Variants in TRAPPC9 observed in about 807,000 individuals in gnomAD.
TRAPPC9 encodes trafficking protein particle complex subunit 9.
Under a neutral mutation model 124.0 loss-of-function variants are expected in TRAPPC9, and 83 were observed. The observed-to-expected ratio is 0.67, with a 90% confidence interval of 0.56 to 0.80. TRAPPC9 has a LOEUF of 0.80. TRAPPC9 is among the 30% of genes least tolerant of loss of function. TRAPPC9 has a pLI of 0.00. For synonymous variants in TRAPPC9, 638 were observed against 617.5 expected (o/e 1.03, Z -0.49); for missense variants, 1,302 against 1,508.3 (o/e 0.86, Z 2.27).
intron 21 of TRAPPC9, among the ~76,000 whole-genome samples, chr8:139,792,594 G>A (rs1412404163): frequency 2.0e-5 from 3 of 152,190 alleles, no homozygotes; most frequent in Non-Finnish European, 4.4e-5. Context: ...TGGGGAGCCA[G>A]GGCCACCAGC....
intron 15 of TRAPPC9, among the ~76,000 whole-genome samples, chr8:140,272,637 G>A (rs567007261): frequency 6.6e-6 from 1 of 152,260 alleles, no homozygotes; most frequent in Non-Finnish European, 1.5e-5. Context: ...TCCTGTACAA[G>A]CACGGAGCTG....
At chr8:139,937,193 C>T (rs1052656635) in intron 19 of TRAPPC9, among the ~76,000 whole-genome samples, 3 of 152,104 alleles carry the variant, frequency 2.0e-5, no homozygotes, top group African/African-American at 7.2e-5. Context: ...GCACTGTGTT[C>T]TTGAAGAGTA....
At chr8:139,791,906 G>T (rs1822706970) in intron 21 of TRAPPC9, among the ~76,000 whole-genome samples, 1 of 152,154 alleles carries the variant, frequency 6.6e-6, no homozygotes, top group Non-Finnish European at 1.5e-5. Context: ...GCGTGGGGTG[G>T]GGGTGTGGAA....
chr8:139,990,038 A>G (rs1837524614), intron 18 of TRAPPC9, among the ~76,000 whole-genome samples: 1 of 152,200 alleles, frequency 6.6e-6, no homozygotes, highest in African/African-American at 2.4e-5. Flanking sequence ...GGGAGAAAAC[A>G]CAGAGAAAAA....
intron 9 of TRAPPC9, among the ~76,000 whole-genome samples, chr8:140,319,807 A>T (rs148308364): frequency 4.6e-5 from 7 of 152,218 alleles, no homozygotes; most frequent in African/African-American, 1.7e-4. Flanking sequence ...TTATTACTTA[A>T]CTATATTGTT....
intron 17 of TRAPPC9, among the ~76,000 whole-genome samples, chr8:140,082,341 T>C (rs1843879041): frequency 1.3e-5 from 2 of 152,018 alleles, no homozygotes; most frequent in South Asian, 4.1e-4. Context: ...ATGTGCTGAA[T>C]AAAGTGTGGA....
At chr8:139,944,056 A>C (rs1834068432) in intron 19 of TRAPPC9, among the ~76,000 whole-genome samples, 2 of 152,208 alleles carry the variant, frequency 1.3e-5, no homozygotes, top group Non-Finnish European at 2.9e-5. Flanking sequence ...TATAATCTTA[A>C]GAACTTTGGC....
At chr8:140,129,965 G>A (rs1334601428) in intron 17 of TRAPPC9, among the ~76,000 whole-genome samples, 2 of 152,198 alleles carry the variant, frequency 1.3e-5, no homozygotes, top group African/African-American at 2.4e-5. Context: ...TGGCTTCGGA[G>A]GAATCAGGGC....
chr8:140,409,818 TA>T (rs762064598), intron 5 of TRAPPC9, among the ~76,000 whole-genome samples: 9 of 152,010 alleles, frequency 5.9e-5, no homozygotes, highest in Non-Finnish European at 1.2e-4. Flanking sequence ...ACAAATGATA[TA>T]AGGGTAGGGA....
At chr8:140,229,428 A>AT (rs1020218278) in intron 16 of TRAPPC9, among the ~76,000 whole-genome samples, 10 of 150,088 alleles carry the variant, frequency 6.7e-5, no homozygotes, top group Non-Finnish European at 1.3e-4. Flanking sequence ...AGCCTGGCTA[A>AT]TTTTTTTTCG....
intron 21 of TRAPPC9, among the ~76,000 whole-genome samples, chr8:139,754,789 C>A (rs892874456): frequency 3.9e-5 from 6 of 152,260 alleles, no homozygotes; most frequent in African/African-American, 9.6e-5. Context: ...CCTCCCCTGG[C>A]TGAAAACAGG....
At chr8:140,267,211 T>A (rs1308036926) in intron 15 of TRAPPC9, among the ~76,000 whole-genome samples, 15 of 152,142 alleles carry the variant, frequency 9.9e-5, no homozygotes. Flanking sequence ...TCTTGGTGCC[T>A]CCCAGGTGTC....
intron 17 of TRAPPC9, among the ~76,000 whole-genome samples, chr8:140,041,505 C>T (rs1033269066): frequency 6.6e-6 from 1 of 152,236 alleles, no homozygotes; most frequent in African/African-American, 2.4e-5. Context: ...AGCCCAAGGT[C>T]CAACAGCCAA....
chr8:140,308,769 T>A (rs1274595956), intron 10 of TRAPPC9, among the ~76,000 whole-genome samples: 1 of 151,758 alleles, frequency 6.6e-6, no homozygotes, highest in Non-Finnish European at 1.5e-5. Context: ...TAGTCCCAGC[T>A]ACTCAGGAGG....
chr8:139,948,282 C>T (rs1465431899), intron 19 of TRAPPC9, among the ~76,000 whole-genome samples: 1 of 112,874 alleles, frequency 8.9e-6, no homozygotes, highest in Non-Finnish European at 2.2e-5. Flanking sequence ...CACACACACA[C>T]ACACACACAC....
chr8:140,397,388 A>C (rs1209561534), intron 7 of TRAPPC9, among the ~76,000 whole-genome samples: 4 of 151,498 alleles, frequency 2.6e-5, no homozygotes, highest in Admixed American at 2.6e-4. Flanking sequence ...TTCTCCAAAA[A>C]ACAAACAAAA....
At chr8:140,378,109 C>T (rs1032025141) in intron 7 of TRAPPC9, among the ~76,000 whole-genome samples, 1 of 152,184 alleles carries the variant, frequency 6.6e-6, no homozygotes, top group African/African-American at 2.4e-5. Context: ...CTTCTCACTC[C>T]AGAAGGACTT....
intron 21 of TRAPPC9, among the ~76,000 whole-genome samples, chr8:139,817,257 G>A (rs141049009): frequency 5.7e-4 from 87 of 152,306 alleles, no homozygotes; most frequent in Non-Finnish European, 1.0e-3. Flanking sequence ...GGACATGGCT[G>A]GGGATAGCAG....
intron 21 of TRAPPC9, among the ~76,000 whole-genome samples, chr8:139,740,709 G>C (rs1818495541): frequency 6.6e-6 from 1 of 152,244 alleles, no homozygotes; most frequent in Non-Finnish European, 1.5e-5. Context: ...TACAGGATAA[G>C]GCCCACACGG....
Sources: allele counts gnomAD v4.1 joint callset (sites outside exome capture counted in the v4.1 genomes callset), GRCh38; gene constraint gnomAD v4.1.1; transcripts MANE v1.5; gene names NCBI Gene and HGNC (gene_info 2026-07-23, HGNC 2026-07-21).